Variants in SAMD3 observed in about 807,000 individuals in gnomAD.
SAMD3 encodes the protein sterile alpha motif domain-containing protein 3.
SAMD3 carries 63 observed loss-of-function variants against 58.5 expected under a neutral mutation model. The ratio of observed to expected loss-of-function variants is 1.08; its 90% CI spans 0.88 to 1.33. The LOEUF is 1.33. Among genes scored for constraint, SAMD3 ranks in the 40% most tolerant of loss-of-function variants. SAMD3 has a pLI of 0.00. For synonymous variants in SAMD3, 220 were observed against 210.3 expected, an observed-to-expected ratio of 1.05 and a Z score of -0.40; for missense variants, 604 against 608.4, an observed-to-expected ratio of 0.99 and a Z score of 0.08.
chr6:130,323,725 C>T (rs1287544521), intron 1 of SAMD3, among the ~76,000 whole-genome samples: 1 of 142,070 alleles, frequency 7.0e-6, no homozygotes, highest in African/African-American at 2.8e-5. Flanking sequence ...ATTGTTTGAA[C>T]CCGGGAGGCG....
chr6:130,293,928 T>C (rs915299227), intron 2 of SAMD3, among the ~76,000 whole-genome samples: 4 of 152,144 alleles, frequency 2.6e-5, no homozygotes, highest in African/African-American at 9.7e-5. Context: ...ATGGGCCTTA[T>C]GCACACAGCA....
chr6:130,160,178 A>G (rs768664809), intron 8 of SAMD3: 2 of 152,226 alleles, frequency 1.3e-5, no homozygotes, highest in African/African-American at 2.4e-5. Context: ...ACACACATAC[A>G]AGAATAATCA....
chr6:130,224,636 T>C (rs753106273), upstream of SAMD3, among the ~76,000 whole-genome samples: 235 of 149,408 alleles, frequency 1.6e-3, 5 homozygotes, highest in Non-Finnish European at 6.7e-4. Context: ...TTATTATTTT[T>C]GAGATGGAGT....
At chr6:130,163,434 C>G (rs538313673) in intron 8 of SAMD3, among the ~76,000 whole-genome samples, 1 of 152,276 alleles carries the variant, frequency 6.6e-6, no homozygotes, top group African/African-American at 2.4e-5. Flanking sequence ...TGATGTACCC[C>G]CTATGGAACT....
At chr6:130,318,451 CAA>C (rs1776467115) in intron 1 of SAMD3, among the ~76,000 whole-genome samples, 1 of 152,022 alleles carries the variant, frequency 6.6e-6, no homozygotes, top group South Asian at 2.1e-4. Flanking sequence ...TATTTTGAGA[CAA>C]AGTCTCACTC....
At chr6:130,276,706 G>T (rs530423713) in intron 2 of SAMD3, among the ~76,000 whole-genome samples, 168 of 152,192 alleles carry the variant, frequency 1.1e-3, no homozygotes, top group African/African-American at 3.9e-3. Context: ...CACTGAGACT[G>T]CAGGATTGCA....
intron 9 of SAMD3, among the ~76,000 whole-genome samples, chr6:130,149,317 A>C (rs1482457175): frequency 1.3e-5 from 2 of 152,234 alleles, no homozygotes; most frequent in African/African-American, 4.8e-5. Flanking sequence ...AGCCGTTTGG[A>C]GATTTCTCAA....
intron 7 of SAMD3, among the ~76,000 whole-genome samples, chr6:130,181,989 C>A (rs1444097607): frequency 6.6e-6 from 1 of 150,566 alleles, no homozygotes; most frequent in African/African-American, 2.4e-5. Flanking sequence ...GGCGTGAACC[C>A]ATGAGGCGGA....
chr6:130,361,305 A>G (rs369313814), intron 1 of SAMD3, among the ~76,000 whole-genome samples: 13 of 152,298 alleles, frequency 8.5e-5, no homozygotes, highest in African/African-American at 2.9e-4. Context: ...AATCTTCACA[A>G]TCCATGTTCT....
chr6:130,205,648 AG>A (rs1795022791), intron 5 of SAMD3, among the ~76,000 whole-genome samples: 1 of 152,144 alleles, frequency 6.6e-6, no homozygotes, highest in South Asian at 2.1e-4. Context: ...ATGTGTGAGG[AG>A]CCAAGCTAAA....
At chr6:130,231,838 GA>G (rs1334045495) in intron 2 of SAMD3, among the ~76,000 whole-genome samples, 1 of 151,886 alleles carries the variant, frequency 6.6e-6, no homozygotes, top group African/African-American at 2.4e-5. Flanking sequence ...CTGTTTTCTT[GA>G]AGGAACATTC....
chr6:130,209,377 T>C lies in SAMD3; in HGVS notation c.383+118A>G. On this transcript the variant is annotated intron_variant, in intron 5 of 11. Coordinates refer to ENST00000439090, the MANE Select transcript of SAMD3 (RefSeq NM_001017373.4). Reference sequence around the variant, plus strand: ...TATCGCTGGATAAAAATATATTCCCTTCCAGGAAAACAAAAAGTTTCAAAT... The same window carrying C: ...TATCGCTGGATAAAAATATATTCCCCTCCAGGAAAACAAAAAGTTTCAAAT... The C allele has an allele frequency of 7.5e-6, 4 of 532,302 alleles. No individual in the cohort carries two copies. In the South Asian group the frequency reaches 1.4e-4, roughly 18 times the overall value. The allele number at this position is 532,302 out of a possible 1,614,324, so 33.0% of individuals were successfully genotyped here. A position where few individuals can be genotyped will look rare whatever the true frequency, so the allele number is the denominator to read the frequency against.
chr6:130,213,792 T>G (rs768998269), intron 4 of SAMD3, among the ~76,000 whole-genome samples: 1 of 152,182 alleles, frequency 6.6e-6, no homozygotes, highest in East Asian at 1.9e-4. Flanking sequence ...CATAATTTTT[T>G]GGGGTGTTTC....
At chr6:130,207,159 C>CAAAAAAA (rs376844642) in intron 5 of SAMD3, among the ~76,000 whole-genome samples, 2,934 of 52,420 alleles carry the variant, frequency 0.056, 54 homozygotes, top group Non-Finnish European at 0.08. Context: ...CCCATCTCAT[C>CAAAAAAA]AAAAAAAAAA....
At chr6:130,241,930 T>C (rs1232561180) in intron 2 of SAMD3, among the ~76,000 whole-genome samples, 1 of 152,234 alleles carries the variant, frequency 6.6e-6, no homozygotes, top group East Asian at 1.9e-4. Context: ...ATTTTCATTG[T>C]CTTTTAAAAT....
At position 130,209,485 on chromosome 6, in the gene SAMD3, G is replaced by C; in HGVS notation, c.383+10C>G. The C allele has an allele frequency of 6.8e-7, 1 of 1,469,436 alleles. No homozygotes were observed. Among genetic ancestry groups the C allele is most frequent in the Non-Finnish European group, 9.5e-7 (1 of 1,049,334 alleles). 91.0% of individuals were successfully genotyped at this position (1,469,436 alleles called of 1,614,324 possible). A position where few individuals can be genotyped will look rare whatever the true frequency, so the allele number is the denominator to read the frequency against. On this transcript the variant is annotated intron_variant, in intron 5 of 11. Transcript: ENST00000439090. ...TTGGCTTTAAACTGTCTTAAAGTTG[G>C]TACCCCCACCTCTGTTTCAATACTC...
chr6:130,317,487 A>G (rs916380183), intron 1 of SAMD3, among the ~76,000 whole-genome samples: 2 of 152,252 alleles, frequency 1.3e-5, no homozygotes, highest in Non-Finnish European at 2.9e-5. Context: ...ATTAAAATAC[A>G]TTGTGATAAA....
intron 1 of SAMD3, among the ~76,000 whole-genome samples, chr6:130,351,392 C>G (rs1220432991): frequency 2.6e-5 from 4 of 152,106 alleles, no homozygotes; most frequent in South Asian, 4.1e-4. Context: ...AAAAAACAAA[C>G]AACCCCATCA....
At position 130,146,017 on chromosome 6, in the gene SAMD3, CAT is replaced by C. The variant is rs769060701; in HGVS notation, c.1186_1187del (p.Met396ValfsTer20). The C allele has an allele frequency of 2.2e-4, 325 of 1,505,310 alleles. 1 individual carries two copies. Among genetic ancestry groups the C allele is most frequent in the Non-Finnish European group, 2.7e-4 (309 of 1,127,826 alleles). 93.2% of individuals were successfully genotyped at this position (1,505,310 alleles called of 1,614,324 possible). Reference protein sequence around the residue: ...EKMKHYTDEDMLKYMKMTATC... With the variant: ...EKMKHYTDEDXLKYMKMTATC... ...TCCATAAGGTTTACTAACATTTCAA[CAT>C]GTCTTCATCTGTGTAATGTTTCATT... On this transcript the variant is annotated frameshift_variant, in exon 10 of 12. Coordinates refer to ENST00000439090, the MANE Select transcript of SAMD3 (RefSeq NM_001017373.4). LOFTEE classifies it high-confidence loss of function.
Sources: gnomAD v4.1 joint callset for allele counts (sites outside exome capture counted in the v4.1 genomes callset) on GRCh38, gnomAD v4.1.1 for gene constraint, MANE v1.5 for transcripts, NCBI Gene and HGNC (gene_info 2026-07-23, HGNC 2026-07-21) for gene names.